The following INSYN2A variants were observed in gnomAD, a reference collection of about 807,000 sequenced individuals.
INSYN2A encodes the protein family with sequence similarity 196 member A.
A neutral mutation model predicts 39.4 loss-of-function variants in INSYN2A; 17 were observed. The observed-to-expected ratio is 0.43, with a 90% CI of 0.30 to 0.65. The LOEUF is 0.65. Ranked by LOEUF, INSYN2A falls within the 30% of genes least tolerant of loss-of-function variation. The pLI is 0.14. For synonymous variants in INSYN2A, 255 were observed against 265.7 expected (o/e 0.96, Z 0.39); for missense variants, 595 against 631.2 (o/e 0.94, Z 0.61).
chr10:127,183,054 TC>T (rs1193191203), intron 2 of INSYN2A, among the ~76,000 whole-genome samples: 2 of 144,546 alleles, frequency 1.4e-5, no homozygotes, highest in Non-Finnish European at 3.0e-5. Context: ...TGCTTTGCCT[TC>T]CTGATTATGG....
chr10:127,189,034 A>C (rs2056528705), intron 2 of INSYN2A, among the ~76,000 whole-genome samples: 1 of 152,194 alleles, frequency 6.6e-6, no homozygotes, highest in Non-Finnish European at 1.5e-5. Context: ...GGAAGCGCTC[A>C]GTACACAGCC....
At chr10:127,169,064 C>T (rs920711327) in intron 4 of INSYN2A, among the ~76,000 whole-genome samples, 3 of 152,296 alleles carry the variant, frequency 2.0e-5, no homozygotes, top group Non-Finnish European at 2.9e-5. Flanking sequence ...TCTAGGTTAA[C>T]GCAAGTCACA....
chr10:127,161,356 C>G (rs1031351948), intron 4 of INSYN2A, among the ~76,000 whole-genome samples: 1 of 152,142 alleles, frequency 6.6e-6, no homozygotes, highest in African/African-American at 2.4e-5. Context: ...GCGGTACTGG[C>G]TTTTGGTGAT....
chr10:127,156,562 CTT>C (rs869132788), intron 4 of INSYN2A, among the ~76,000 whole-genome samples: 9 of 16,952 alleles, frequency 5.3e-4, no homozygotes, highest in African/African-American at 1.9e-3. Context: ...TCTTCTTCTT[CTT>C]TTTTTTTTTT....
intron 5 of INSYN2A, among the ~76,000 whole-genome samples, chr10:127,150,157 A>G (rs1360347163): frequency 6.6e-6 from 1 of 152,162 alleles, no homozygotes; most frequent in Non-Finnish European, 1.5e-5. Context: ...TGCTGTGGCC[A>G]CCCATGTACA....
chr10:127,161,479 C>G (rs973618408), intron 4 of INSYN2A, among the ~76,000 whole-genome samples: 1 of 152,086 alleles, frequency 6.6e-6, no homozygotes. Flanking sequence ...CTTGGATCTC[C>G]AAGTAGACAA....
intron 4 of INSYN2A, among the ~76,000 whole-genome samples, chr10:127,157,962 C>T (rs778895507): frequency 6.6e-6 from 1 of 152,194 alleles, no homozygotes; most frequent in African/African-American, 2.4e-5. Context: ...TTATTAAGCA[C>T]GAGAGTGTTC....
At chr10:127,149,565 G>T (rs2052276181) in intron 5 of INSYN2A, among the ~76,000 whole-genome samples, 1 of 152,160 alleles carries the variant, frequency 6.6e-6, no homozygotes, top group African/African-American at 2.4e-5. Flanking sequence ...CCTGGGCCAG[G>T]CATTACTGGA....
At chr10:127,140,383 G>A (rs771197541) in intron 5 of INSYN2A, among the ~76,000 whole-genome samples, 1 of 152,184 alleles carries the variant, frequency 6.6e-6, no homozygotes, top group Non-Finnish European at 1.5e-5. Flanking sequence ...TTGGTAGAGG[G>A]CACTTATGAG....
chr10:127,146,714 G>A (rs2133381271), intron 5 of INSYN2A, among the ~76,000 whole-genome samples: 1 of 152,272 alleles, frequency 6.6e-6, no homozygotes, highest in Non-Finnish European at 1.5e-5. Flanking sequence ...AACTTAATAT[G>A]CACAAGTGGT....
At chr10:127,186,018 A>T (rs971649719) in intron 2 of INSYN2A, among the ~76,000 whole-genome samples, 7 of 152,232 alleles carry the variant, frequency 4.6e-5, no homozygotes, top group African/African-American at 1.4e-4. Context: ...GAGTTTAATT[A>T]AAAAATCTCA....
intron 2 of INSYN2A, among the ~76,000 whole-genome samples, chr10:127,184,452 C>T (rs1232846563): frequency 6.6e-6 from 1 of 151,934 alleles, no homozygotes; most frequent in Non-Finnish European, 1.5e-5. Context: ...TCATAACTCT[C>T]CTGCCCTCAG....
At chr10:127,182,352 A>G (rs1314147029) in intron 2 of INSYN2A, among the ~76,000 whole-genome samples, 1 of 152,200 alleles carries the variant, frequency 6.6e-6, no homozygotes, top group African/African-American at 2.4e-5. Context: ...AATGTAAACC[A>G]CAAAGGCTCA....
At chr10:127,187,934 C>A (rs1197938984) in intron 2 of INSYN2A, among the ~76,000 whole-genome samples, 2 of 152,208 alleles carry the variant, frequency 1.3e-5, no homozygotes, top group Non-Finnish European at 2.9e-5. Flanking sequence ...GAACCACTGG[C>A]CTTCTTCCTT....
chr10:127,172,293 C>T (rs2054647132), intron 4 of INSYN2A, among the ~76,000 whole-genome samples: 3 of 152,080 alleles, frequency 2.0e-5, no homozygotes, highest in Admixed American at 6.5e-5. Context: ...AAATTGGCCA[C>T]GGTAGCAGTA....
At chr10:127,185,480 T>C (rs1467012554) in intron 2 of INSYN2A, among the ~76,000 whole-genome samples, 1 of 152,180 alleles carries the variant, frequency 6.6e-6, no homozygotes, top group Non-Finnish European at 1.5e-5. Flanking sequence ...GAGCCGAGAT[T>C]GCACCACTGC....
chr10:127,171,549 A>C (rs2054573401), intron 4 of INSYN2A, among the ~76,000 whole-genome samples: 1 of 151,844 alleles, frequency 6.6e-6, no homozygotes, highest in Admixed American at 6.6e-5. Flanking sequence ...CCTCACTAGG[A>C]CTCTTCTGAA....
In INSYN2A at chr10:127,176,016, A is replaced by G; in HGVS notation, c.380T>C (p.Leu127Pro). 12 of 1,614,036 alleles carry G rather than the reference A, an allele frequency of 7.4e-6. No individual in the cohort carries two copies. Among genetic ancestry groups the G allele is most frequent in the Non-Finnish European group, 1.0e-5 (12 of 1,180,024 alleles). Residue 127 changes from leucine (L) to proline (P), a missense_variant, in exon 4 of 6, where the codon CTC becomes CCC. Leu to Pro is a moderately conservative substitution (Grantham distance 98). Around this residue, in one of 2 missense-constraint regions of INSYN2A, gnomAD observed 478 missense variants for 467.4 expected, o/e 1.02. Transcript: ENST00000522781. This position sits in a 1 kb window ranked among gnomAD's most constrained non-coding sequence, Gnocchi z 4.4. ...TFPLDRKKGN[L>P]KSLPAADPFK... ...GGGATCTGCAGCTGGGAGGCTTTTG[A>G]GGTTCCCCTTTTTGCGGTCCAGAGG...
intron 2 of INSYN2A, among the ~76,000 whole-genome samples, chr10:127,180,760 C>T (rs1281237978): frequency 1.3e-5 from 2 of 151,872 alleles, no homozygotes; most frequent in Non-Finnish European, 1.5e-5. Flanking sequence ...TCACTCTGGG[C>T]GGCCATTAAA....
Sources: gnomAD v4.1 joint callset for allele counts (sites outside exome capture counted in the v4.1 genomes callset) on GRCh38, gnomAD v4.1.1 for gene constraint, gnomAD v4.1.1 regional missense constraint, Gnocchi (gnomAD v3.1) non-coding constraint, MANE v1.5 for transcripts, NCBI Gene and HGNC (gene_info 2026-07-23, HGNC 2026-07-21) for gene names.